Variants in ABCA8 observed in about 807,000 individuals in gnomAD.
ABCA8 encodes the protein ATP binding cassette subfamily A member 8.
ABCA8 carries 177 observed loss-of-function variants against 192.3 expected under a neutral mutation model. The observed-to-expected ratio is 0.92, with a 90% confidence interval of 0.81 to 1.04. ABCA8 has a LOEUF of 1.04. Ranked by LOEUF, ABCA8 falls within the 50% of genes least tolerant of loss-of-function variation. ABCA8 has a pLI of 0.00. For synonymous variants in ABCA8, 642 were observed against 690.2 expected, an observed-to-expected ratio of 0.93 and a Z score of 1.09; for missense variants, 1,915 against 1,904.8, an observed-to-expected ratio of 1.01 and a Z score of -0.10.
chr17:68,887,563 C>T (rs1307518543), intron 24 of ABCA8, 57 bp from the exon 25 acceptor site: 3 of 1,444,742 alleles, frequency 2.1e-6, no homozygotes, highest in African/African-American at 2.9e-5. Flanking sequence ...GTGGATTATG[C>T]AAGGAACTAT....
Position 68,884,416 on chromosome 17 carries a change from T to C in ABCA8, c.3550-20A>G. ...GAGAAGCTGCAAAAGAAAAGACAATTGCTAAACAGGGAGTTTTTTGTTTCC... is the reference window on the plus strand; with the variant it reads ...GAGAAGCTGCAAAAGAAAAGACAATCGCTAAACAGGGAGTTTTTTGTTTCC... On this transcript the variant is annotated intron_variant, in intron 27 of 39. Transcript: ENST00000586539. 6.4e-7 allele frequency: 1 copy of C among 1,566,028 alleles called. No individual in the cohort carries two copies. The highest frequency in any genetic ancestry group is 1.2e-5 in the South Asian group (1 of 81,398).
At chr17:68,887,881 C>CATATATATATATATATATAT (rs1202636158) in intron 24 of ABCA8, among the ~76,000 whole-genome samples, 120 of 68,170 alleles carry the variant, frequency 1.8e-3, no homozygotes, top group East Asian at 6.1e-3. Context: ...TTCTCTCCTC[C>CATATATATATATATATATAT]ATATATATAT....
intron 1 of ABCA8, among the ~76,000 whole-genome samples, 184 bp from the exon 2 acceptor site, chr17:68,949,656 T>A (rs1272243740): frequency 6.6e-6 from 1 of 152,194 alleles, no homozygotes; most frequent in Non-Finnish European, 1.5e-5. Context: ...AATCAATAAA[T>A]GTAATCCATC....
chr17:68,874,810 A>AAAATTGG (rs1330158620), intron 37 of ABCA8, among the ~76,000 whole-genome samples: 1 of 152,212 alleles, frequency 6.6e-6, no homozygotes, highest in Non-Finnish European at 1.5e-5. Context: ...GAATTTACAT[A>AAAATTGG]AAATTGGAAA....
rs184277383 is a variant in ABCA8 at position 68,890,390 on chromosome 17, G to A, written c.3144+1099C>T. 2.0e-5 allele frequency among the ~76,000 whole-genome samples: 3 copies of A among 152,186 alleles called. No homozygotes were observed. The East Asian group carries it at 5.8e-4, about 29-fold the overall frequency. ...ATACTTTGTCCATTTAAAAAATTAG[G>A]TTATCCTCTATTACAGAGGAATGAG... On this transcript the variant is annotated intron_variant, in intron 24 of 39. Coordinates refer to ENST00000586539, the MANE Select transcript of ABCA8 (RefSeq NM_001288985.2).
intron 22 of ABCA8, 34 bp from the exon 23 acceptor site, chr17:68,894,344 A>G (rs948972350): frequency 3.9e-6 from 6 of 1,551,308 alleles, no homozygotes; most frequent in Non-Finnish European, 5.2e-6. Context: ...AAGTTCTCAA[A>G]TATCTTCATT....
intron 3 of ABCA8, 25 bp downstream of exon 3, chr17:68,941,914 G>A (rs750063125): frequency 1.1e-5 from 16 of 1,504,408 alleles, no homozygotes; most frequent in Non-Finnish European, 1.4e-5. Context: ...CATAAATAGA[G>A]AATAACACGG....
rs2067217687 is a variant in ABCA8, at chr17:68,911,071, AG to A, written c.2139-3193del. On this transcript the variant is annotated intron_variant, in intron 17 of 39. Coordinates refer to ENST00000586539, the MANE Select transcript of ABCA8 (RefSeq NM_001288985.2). This position sits in a 1 kb window ranked among gnomAD's most constrained non-coding sequence, Gnocchi z 5.7. ...CTGAGGAAAAGAGAGGGAAGAGTAA[AG>A]GGGACTTTGTCTTGCAGCTTAGGTA... Among the ~76,000 whole-genome samples the A allele has an allele frequency of 6.6e-6, 1 of 151,996 alleles. No homozygotes were observed. Among genetic ancestry groups the A allele is most frequent in the Non-Finnish European group, 1.5e-5 (1 of 67,986 alleles).
Position 68,875,271 on chromosome 17 carries a change from A to G in ABCA8, c.4620T>C (p.Ala1540=). The G allele has an allele frequency of 6.2e-7, 1 of 1,613,792 alleles. No individual in the cohort carries two copies. Among genetic ancestry groups the G allele is most frequent in the South Asian group, 1.1e-5 (1 of 91,064 alleles). Residue 1540 remains alanine (A), a synonymous_variant, in exon 37 of 40, where the codon GCT becomes GCC. Transcript: ENST00000586539. ...GCAACCATGTTTACCTTTCCTGCCG[A>G]GCAGCCTGGGGGAAAAGCCTCAGGA... ...AEILRLFPQA[A]RQERYSSLMV...
intron 17 of ABCA8, among the ~76,000 whole-genome samples, chr17:68,914,427 G>A (rs1270036928): frequency 6.6e-5 from 10 of 151,986 alleles, no homozygotes; most frequent in Non-Finnish European, 1.5e-4. Flanking sequence ...TATTAGAACT[G>A]ATAAACAAAG....
Position 68,911,218 on chromosome 17 carries a change from A to T in ABCA8, c.2139-3339T>A, listed in dbSNP as rs1372920545. On this transcript the variant is annotated intron_variant, in intron 17 of 39. Coordinates refer to ENST00000586539, the MANE Select transcript of ABCA8 (RefSeq NM_001288985.2). The surrounding 1 kb of genome is among the most constrained non-coding windows in gnomAD (Gnocchi z 5.7). ...GAGGGGAGCCCATTGCCCTGAAGGG[A>T]GCTGCTACCCAGGCCTGGCAGCATG... Among the ~76,000 whole-genome samples, 2 of 152,016 alleles carry T rather than the reference A, an allele frequency of 1.3e-5. No individual in the cohort carries two copies. Among genetic ancestry groups the T allele is most frequent in the Non-Finnish European group, 2.9e-5 (2 of 67,992 alleles).
rs1264541428 is a variant in ABCA8 at position 68,894,918 on chromosome 17, A to G, written c.2860T>C (p.Ser954Pro). The change falls in exon 22 of 40, where the codon TCT becomes CCT. Residue 954 changes from serine (S) to proline (P), a missense_variant. Coordinates refer to ENST00000586539, the MANE Select transcript of ABCA8 (RefSeq NM_001288985.2). ...CACACTGTGATGGCTCCATTATAAG[A>G]TGGGTCATCTGTGCCATTTCTAGTT... ...FGTRNGTDDP[S>P]YNGAITVCCN... 1 of 1,613,646 alleles carries G rather than the reference A, an allele frequency of 6.2e-7. No individual in the cohort carries two copies. Among genetic ancestry groups the G allele is most frequent in the Admixed American group, 1.7e-5 (1 of 59,992 alleles).
rs374615527 is a variant in ABCA8, at chr17:68,906,104, T to G, written c.2338A>C (p.Met780Leu). ...DLGIENYGVS[M>L]TTLNEVFLKL... ...AGGAATACTTCATTCAAAGTTGTCATGGAAACACCATAATTCTCAATTCCT... is the reference window on the plus strand; with the variant it reads ...AGGAATACTTCATTCAAAGTTGTCAGGGAAACACCATAATTCTCAATTCCT... Residue 780 changes from methionine to leucine, a missense_variant, in exon 19 of 40, where the codon ATG becomes CTG. Transcript: ENST00000586539. The G allele has an allele frequency of 2.5e-6, 4 of 1,600,922 alleles. No individual in the cohort carries two copies. The highest frequency in any genetic ancestry group is 3.4e-6 in the Non-Finnish European group (4 of 1,173,948).
chr17:68,903,396 T>C lies in ABCA8; in HGVS notation c.2502A>G (p.Thr834=), dbSNP rs2143490669. 6.2e-7 allele frequency: 1 copy of C among 1,614,206 alleles called. No homozygotes were observed. The highest frequency in any genetic ancestry group is 8.5e-7 in the Non-Finnish European group (1 of 1,180,034). The change falls in exon 20 of 40, where the codon ACA becomes ACG. Residue 834 remains threonine (T), a synonymous_variant. Transcript: ENST00000586539. ...VLSSLNKMRK[T]IGGVALWRQQ... The stretch of plus-strand genomic sequence containing the variant: ...GTCGCCAGAGAGCCACACCACCTAT[T>C]GTCTTTCTCATCTTGTTAAGTGAAG...
intron 1 of ABCA8, among the ~76,000 whole-genome samples, chr17:68,954,979 A>G (rs2068674857): frequency 6.6e-6 from 1 of 152,214 alleles, no homozygotes. Context: ...ATGTTTGCAT[A>G]ATTTTTTAAA....
chr17:68,941,589 T>C (rs369752017), intron 3 of ABCA8, among the ~76,000 whole-genome samples: 2 of 152,258 alleles, frequency 1.3e-5, no homozygotes, highest in African/African-American at 4.8e-5. Context: ...TTACCCATTG[T>C]GGTGGGTTGG....
At chr17:68,875,591 G>A in intron 36 of ABCA8, 23 bp downstream of exon 36, 3 of 1,610,710 alleles carry the variant, frequency 1.9e-6, no homozygotes, top group Non-Finnish European at 2.5e-6. Context: ...GGGCTCAAGT[G>A]TGGGTCCAGG....
rs184681765 is a variant in ABCA8, at chr17:68,921,939, A to G, written c.1501+303T>C. Among the ~76,000 whole-genome samples the G allele has an allele frequency of 2.6e-4, 39 of 151,422 alleles. 1 individual carries two copies. In the East Asian group the frequency reaches 7.1e-3, roughly 28 times the overall value. Reference sequence around the variant, plus strand: ...ACAGACAAAAAACTTGAGTTTGTAGAAAAAAAAACCCAGAATATCCTTAGA... The same window carrying G: ...ACAGACAAAAAACTTGAGTTTGTAGGAAAAAAAACCCAGAATATCCTTAGA... On this transcript the variant is annotated intron_variant, in intron 12 of 39. Coordinates refer to ENST00000586539, the MANE Select transcript of ABCA8 (RefSeq NM_001288985.2).
rs913118852 is a variant in ABCA8 at position 68,881,165 on chromosome 17, T to A, written c.3993A>T (p.Thr1331=). ...TGTCTCCAGTTATCACCTTAATGGA[T>A]GTGCTTTTACCAGCTCCATTGTGTC... ...LLGHNGAGKS[T]SIKVITGDTK... is the part of the protein sequence containing the mutation. The change falls in exon 32 of 40, where the codon ACA becomes ACT. Residue 1331 remains threonine (T), a synonymous_variant. Coordinates refer to ENST00000586539, the MANE Select transcript of ABCA8 (RefSeq NM_001288985.2). 1.9e-6 allele frequency: 3 copies of A among 1,614,086 alleles called. No individual in the cohort carries two copies. Among genetic ancestry groups the A allele is most frequent in the Non-Finnish European group, 2.5e-6 (3 of 1,179,952 alleles).
Sources: gnomAD v4.1 joint callset for allele counts (sites outside exome capture counted in the v4.1 genomes callset) on GRCh38, gnomAD v4.1.1 for gene constraint, Gnocchi (gnomAD v3.1) non-coding constraint, MANE v1.5 for transcripts, NCBI Gene and HGNC (gene_info 2026-07-23, HGNC 2026-07-21) for gene names.